The following CDHR2 variants were observed in gnomAD, a reference collection of about 807,000 sequenced individuals.
CDHR2 encodes cadherin related family member 2.
In CDHR2, 104 loss-of-function variants were observed where a neutral mutation model predicts 138.6. The ratio of observed to expected loss-of-function variants is 0.75; its 90% CI spans 0.64 to 0.88. CDHR2 has a LOEUF of 0.88. Ranked by LOEUF, CDHR2 falls within the 40% of genes least tolerant of loss-of-function variation. The probability of loss-of-function intolerance (pLI) is 0.00; values close to 1 mark genes in which losing one functional copy is unlikely to be tolerated. For missense variants in CDHR2, 1,624 were observed against 1,727.6 expected, an observed-to-expected ratio of 0.94 and a Z score of 1.06; for synonymous variants, 755 against 742.8, an observed-to-expected ratio of 1.02 and a Z score of -0.27.
In CDHR2 at chr5:176,577,533, G is replaced by A; in HGVS notation, c.1329G>A (p.Arg443=). 6.2e-7 allele frequency: 1 copy of A among 1,613,692 alleles called. No individual in the cohort carries two copies. Among genetic ancestry groups the A allele is most frequent in the Non-Finnish European group, 8.5e-7 (1 of 1,179,862 alleles). The change falls in exon 13 of 32, where the codon AGG becomes AGA. Residue 443 remains arginine (R), a synonymous_variant. Transcript: ENST00000261944. ...TATCCGCGCTGGTGGACTACGAGAG[G>A]CAGACGGCGATGGCGGTGCAGGTGA... The part of the protein sequence containing the change: ...VRVSALVDYE[R]QTAMAVQVVA...
At chr5:176,544,371 T>C (rs953748981), upstream of CDHR2, among the ~76,000 whole-genome samples, 183 of 13,256 alleles carry the variant, frequency 0.014, no homozygotes, top group East Asian at 0.36. Flanking sequence ...TCTTTCTTTC[T>C]TTCCTTTTTT....
chr5:176,584,749 C>T lies in CDHR2; in HGVS notation c.2468C>T (p.Ser823Leu), dbSNP rs1371321171. The part of the protein sequence containing the change: ...LRGIRVAENG[S>L]QHGQVAVVVA... Reference sequence around the variant, plus strand: ...GGCATCCGTGTGGCTGAGAATGGCTCACAGCACGGCCAGGTGGCTGTGGTG... The same window carrying T: ...GGCATCCGTGTGGCTGAGAATGGCTTACAGCACGGCCAGGTGGCTGTGGTG... Residue 823 changes from serine to leucine, a missense_variant, in exon 19 of 32, where the codon TCA (serine) becomes TTA (leucine). Ser to Leu is a moderately radical substitution (Grantham distance 145). Around this residue, in one of 3 missense-constraint regions of CDHR2, gnomAD observed 1,061 missense variants for 1,136.6 expected, o/e 0.93. Transcript: ENST00000261944. 14 of 1,614,206 alleles carry T rather than the reference C, an allele frequency of 8.7e-6. No homozygotes were observed. The highest frequency in any genetic ancestry group is 1.0e-5 in the Non-Finnish European group (12 of 1,180,046).
chr5:176,578,543 G>C lies in CDHR2; in HGVS notation c.1753G>C (p.Val585Leu). The C allele has an allele frequency of 6.2e-7, 1 of 1,614,084 alleles. No homozygotes were observed. The highest frequency in any genetic ancestry group is 2.2e-5 in the East Asian group (1 of 44,886). Residue 585 changes from valine (V) to leucine (L), a missense_variant, in exon 16 of 32, where the codon GTG becomes CTG. Transcript: ENST00000261944. ...HLLDINDNAP[V>L]VSGSYNIFVQ... ...GCTGGACATCAACGACAATGCACCC[G>C]TGGTTAGCGGCTCCTACAACATCTT...
At position 176,575,790 on chromosome 5, in the gene CDHR2, A is replaced by C. The variant is rs539392090; in HGVS notation, c.911A>C (p.Asp304Ala). 1.3e-6 allele frequency: 2 copies of C among 1,559,824 alleles called. No homozygotes were observed. The highest frequency in any genetic ancestry group is 2.3e-5 in the South Asian group (2 of 85,402). Residue 304 changes from aspartate to alanine, a missense_variant, in exon 11 of 32, where the codon GAC (aspartate) becomes GCC (alanine). This residue lies in a region of CDHR2 where 1,061 missense variants were observed against 1,136.6 expected (regional missense o/e 0.93). Transcript: ENST00000261944. Reference sequence around the variant, plus strand: ...GTGATCAGGGTCAACGGCTCCCTGGACCGTGAGCAGCTGCTGGAGGCGGAT... The same window carrying C: ...GTGATCAGGGTCAACGGCTCCCTGGCCCGTGAGCAGCTGCTGGAGGCGGAT... ...DGVIRVNGSL[D>A]REQLLEADEE... is the part of the protein sequence containing the mutation.
chr5:176,547,912 C>T (rs1757620439), upstream of CDHR2, among the ~76,000 whole-genome samples: 1 of 152,176 alleles, frequency 6.6e-6, no homozygotes, highest in South Asian at 2.1e-4. Flanking sequence ...GCCTGATATA[C>T]AGTCAACACA....
chr5:176,567,134 C>T, intron 3 of CDHR2: 2 of 406,784 alleles, frequency 4.9e-6, no homozygotes, highest in Middle Eastern at 3.5e-4. Context: ...ATTCTCATGT[C>T]TATCCCATGG....
upstream of CDHR2, among the ~76,000 whole-genome samples, chr5:176,545,528 G>A (rs1386291243): frequency 6.6e-6 from 1 of 152,164 alleles, no homozygotes; most frequent in Non-Finnish European, 1.5e-5. Context: ...CTAAACTGTC[G>A]CCTCGTGCAC....
chr5:176,556,777 C>G (rs1203103881), intron 1 of CDHR2: 8 of 152,246 alleles, frequency 5.3e-5, no homozygotes, highest in Non-Finnish European at 1.5e-5. Context: ...TCCTTCTCCA[C>G]TCAAACTGCT....
At chr5:176,552,157 AG>A (rs1757720884) in intron 1 of CDHR2, among the ~76,000 whole-genome samples, 1 of 152,204 alleles carries the variant, frequency 6.6e-6, no homozygotes, top group African/African-American at 2.4e-5. Flanking sequence ...GTCCCAGCCC[AG>A]GGGCAACTCC....
rs1023267797 is a variant in CDHR2, at chr5:176,590,789, T to C, written c.3539+102T>C. 10 of 1,488,792 alleles carry C rather than the reference T, an allele frequency of 6.7e-6. No homozygotes were observed. The African/African-American group carries it at 8.2e-5, about 12-fold the overall frequency. The allele number at this position is 1,488,792 out of a possible 1,614,324, so 92.2% of individuals were successfully genotyped here. ...AGGAGCTGGGGCTTAGGCACAGGTA[T>C]ACATGCATTCACTCCCCAGTGACCC... On this transcript the variant is annotated intron_variant, in intron 28 of 31. Coordinates refer to ENST00000261944, the MANE Select transcript of CDHR2 (RefSeq NM_017675.6).
In CDHR2 at chr5:176,576,137, C is replaced by G. The variant is rs537721550; in HGVS notation, c.1146C>G (p.Pro382=). Reference sequence around the variant, plus strand: ...GCTACGTGGACGAGCATGCCTCCCCCCGCATCCCCATCGATGACCTCACCA... The same window carrying G: ...GCTACGTGGACGAGCATGCCTCCCCGCGCATCCCCATCGATGACCTCACCA... ...FTGYVDEHAS[P]RIPIDDLTMV... The change falls in exon 12 of 32, where the codon CCC becomes CCG. Residue 382 remains proline (P), a synonymous_variant. Coordinates refer to ENST00000261944, the MANE Select transcript of CDHR2 (RefSeq NM_017675.6). The surrounding 1 kb of genome is among the most constrained non-coding windows in gnomAD (Gnocchi z 4.5). 1.2e-6 allele frequency: 2 copies of G among 1,614,050 alleles called. No homozygotes were observed. Among genetic ancestry groups the G allele is most frequent in the Non-Finnish European group, 1.7e-6 (2 of 1,180,052 alleles).
Position 176,584,693 on chromosome 5 carries a change from T to C in CDHR2, c.2412T>C (p.Asn804=). ...VCVNVKDVND[N]PPTLDVASLR... ...TGAATGTGAAAGACGTGAACGACAA[T>C]CCCCCCACCCTGGATGTAGCCTCAC... Residue 804 remains asparagine (N), a synonymous_variant, in exon 19 of 32, where the codon AAT becomes AAC. Transcript: ENST00000261944. 8 of 1,613,886 alleles carry C rather than the reference T, an allele frequency of 5.0e-6. No individual in the cohort carries two copies. Among genetic ancestry groups the C allele is most frequent in the Non-Finnish European group, 6.8e-6 (8 of 1,179,978 alleles).
intron 6 of CDHR2, among the ~76,000 whole-genome samples, chr5:176,572,835 A>G (rs1205346105): frequency 6.6e-6 from 1 of 152,228 alleles, no homozygotes; most frequent in Non-Finnish European, 1.5e-5. Flanking sequence ...TGCTAAGGTT[A>G]CCTGGGGAGC....
Position 176,577,758 on chromosome 5 carries a change from A to G in CDHR2, c.1472A>G (p.Glu491Gly). Residue 491 changes from glutamate to glycine, a missense_variant, in exon 14 of 32, where the codon GAG becomes GGG. Glu to Gly is a moderately conservative substitution (Grantham distance 98). Transcript: ENST00000261944. The part of the protein sequence containing the change: ...PQSLYVLTVP[E>G]HSATGSVVTD... ...AGCTTGTACGTCCTCACGGTGCCAGAGCACAGCGCCACCGGCTCTGTGGTC... is the reference window on the plus strand; with the variant it reads ...AGCTTGTACGTCCTCACGGTGCCAGGGCACAGCGCCACCGGCTCTGTGGTC... 2.5e-6 allele frequency: 4 copies of G among 1,614,208 alleles called. No homozygotes were observed. The highest frequency in any genetic ancestry group is 3.4e-6 in the Non-Finnish European group (4 of 1,180,030).
At position 176,543,536 on chromosome 5, in the gene CDHR2, G is replaced by C. The variant is rs972837064; in HGVS notation, c.-16+767G>C. 1.3e-5 allele frequency: 2 copies of C among 152,186 alleles called. No individual in the cohort carries two copies. The highest frequency in any genetic ancestry group is 2.9e-5 in the Non-Finnish European group (2 of 68,048). 9.4% of individuals were successfully genotyped at this position (152,186 alleles called of 1,614,324 possible). A position where few individuals can be genotyped will look rare whatever the true frequency, so the allele number is the denominator to read the frequency against. On this transcript the variant is annotated intron_variant, in intron 1 of 31. Coordinates refer to the CDHR2 transcript ENST00000510636. The surrounding 1 kb of genome is among the most constrained non-coding windows in gnomAD (Gnocchi z 4.0). ...AGCCTCTTTCGGCCGCGCCCGCCCA[G>C]CGTCAGTCGGCCAGGGGTGCGTAAG...
intron 1 of CDHR2, among the ~76,000 whole-genome samples, chr5:176,562,042 T>G (rs1757980119): frequency 6.6e-6 from 1 of 150,978 alleles, no homozygotes. Context: ...GCAGAGGGAG[T>G]CTGTGGGCGT....
intron 31 of CDHR2, among the ~76,000 whole-genome samples, chr5:176,594,122 G>A (rs1010052287): frequency 1.1e-4 from 16 of 152,184 alleles, no homozygotes; most frequent in Non-Finnish European, 2.4e-4. Flanking sequence ...GAAGGGGCAG[G>A]GAAGTAGGAG....
intron 31 of CDHR2, among the ~76,000 whole-genome samples, chr5:176,593,882 G>A (rs1405596587): frequency 1.3e-5 from 2 of 152,234 alleles, no homozygotes; most frequent in Non-Finnish European, 2.9e-5. Context: ...CAGGCCCCAG[G>A]TATGGTTGTG....
At chr5:176,570,771 G>A (rs1758206734) in intron 5 of CDHR2, among the ~76,000 whole-genome samples, 1 of 152,242 alleles carries the variant, frequency 6.6e-6, no homozygotes, top group East Asian at 1.9e-4. Flanking sequence ...GACCAACATG[G>A]TAAAACCCCA....
Sources: gnomAD v4.1 joint callset for allele counts (sites outside exome capture counted in the v4.1 genomes callset) on GRCh38, gnomAD v4.1.1 for gene constraint, gnomAD v4.1.1 regional missense constraint, Gnocchi (gnomAD v3.1) non-coding constraint, MANE v1.5 for transcripts, NCBI Gene and HGNC (gene_info 2026-07-23, HGNC 2026-07-21) for gene names.